The following PRR14L variants were observed in gnomAD, a reference collection of about 807,000 sequenced individuals.
The protein encoded by PRR14L is protein PRR14L.
In PRR14L, 80 loss-of-function variants were observed where a neutral mutation model predicts 155.0. That is an observed-to-expected ratio of 0.52 (90% CI 0.43 to 0.62). The LOEUF is 0.62. Among genes scored for constraint, PRR14L ranks in the 20% least tolerant of loss-of-function variants. The pLI is 0.00. For missense variants in PRR14L, 2,469 were observed against 2,548.0 expected, an observed-to-expected ratio of 0.97 and a Z score of 0.67; for synonymous variants, 883 against 916.0, an observed-to-expected ratio of 0.96 and a Z score of 0.65.
chr22:31,738,519 G>A lies in PRR14L; in HGVS notation c.342C>T (p.Ser114=), dbSNP rs757743243. The change falls in exon 2 of 9, where the codon AGC becomes AGT. Residue 114 remains serine (S), a synonymous_variant. Transcript: ENST00000327423. The stretch of plus-strand genomic sequence containing the variant: ...TGAAGACCTTTGGCTCCATGCTCTC[G>A]CTTCTCTTTGCCCTATCCAAGATCC... ...ASGILDRAKR[S]ESMEPKVFRD... is the part of the protein sequence containing the mutation. The A allele has an allele frequency of 1.0e-5, 16 of 1,551,760 alleles. No homozygotes were observed. The highest frequency in any genetic ancestry group is 1.3e-5 in the Non-Finnish European group (15 of 1,147,046).
At chr22:31,735,048 G>A (rs569782027) in intron 2 of PRR14L, among the ~76,000 whole-genome samples, 4 of 152,298 alleles carry the variant, frequency 2.6e-5, no homozygotes, top group African/African-American at 9.6e-5. Flanking sequence ...AGTACAAAAT[G>A]TTAACATTTA....
chr22:31,690,190 T>A (rs2074504249), intron 7 of PRR14L, among the ~76,000 whole-genome samples: 2 of 152,020 alleles, frequency 1.3e-5, no homozygotes, highest in Admixed American at 1.3e-4. Flanking sequence ...GTTCTGAGAT[T>A]ACAGGCATGA....
At chr22:31,728,262 T>C (rs1289995948) in intron 2 of PRR14L, among the ~76,000 whole-genome samples, 1 of 152,130 alleles carries the variant, frequency 6.6e-6, no homozygotes, top group Non-Finnish European at 1.5e-5. Flanking sequence ...AGATGCAATT[T>C]CCTTTTTCTA....
chr22:31,720,508 A>G (rs749421640), intron 3 of PRR14L, among the ~76,000 whole-genome samples: 9 of 152,108 alleles, frequency 5.9e-5, no homozygotes, highest in Non-Finnish European at 7.4e-5. Flanking sequence ...AGAGGTGGGC[A>G]CATCACTTGA....
intron 4 of PRR14L, among the ~76,000 whole-genome samples, chr22:31,707,784 C>T (rs952969744): frequency 1.3e-5 from 2 of 152,166 alleles, no homozygotes; most frequent in African/African-American, 4.8e-5. Context: ...AAGCAGTACA[C>T]CAGCATTTAA....
intron 7 of PRR14L, among the ~76,000 whole-genome samples, chr22:31,695,954 G>A (rs1489296494): frequency 1.3e-5 from 2 of 151,964 alleles, no homozygotes; most frequent in Non-Finnish European, 2.9e-5. Flanking sequence ...TGTGATTTCT[G>A]TCTCCTGATT....
chr22:31,714,254 T>A lies in PRR14L; in HGVS notation c.3585A>T (p.Glu1195Asp), dbSNP rs1274046758. The change falls in exon 4 of 9, where the codon GAA becomes GAT. Residue 1195 changes from glutamate to aspartate, a missense_variant. Glu to Asp is a conservative substitution (Grantham distance 45). Coordinates refer to ENST00000327423, the MANE Select transcript of PRR14L (RefSeq NM_173566.3). ...GTTCTAGTCTTGATCCTTCAGTCAT[T>A]TCTTGTGTTTCTCTGAGAGATGTTC... ...DKGTSLRETQ[E>D]MTEGSRLEPN... 1.4e-5 allele frequency: 22 copies of A among 1,551,312 alleles called. No individual in the cohort carries two copies. The highest frequency in any genetic ancestry group is 1.7e-5 in the Non-Finnish European group (20 of 1,146,940).
intron 3 of PRR14L, among the ~76,000 whole-genome samples, chr22:31,724,125 T>C (rs939850047): frequency 1.3e-5 from 2 of 152,216 alleles, no homozygotes; most frequent in African/African-American, 4.8e-5. Flanking sequence ...CCTGATGATC[T>C]GTCACTGTCG....
chr22:31,718,164 G>A (rs980338577), intron 3 of PRR14L, among the ~76,000 whole-genome samples: 1 of 151,996 alleles, frequency 6.6e-6, no homozygotes, highest in South Asian at 2.1e-4. Flanking sequence ...CTGACCTCAG[G>A]TGACCCGCCT....
intron 7 of PRR14L, 47 bp downstream of exon 7, chr22:31,701,609 A>G (rs1158217076): frequency 8.0e-7 from 1 of 1,249,990 alleles, no homozygotes; most frequent in Non-Finnish European, 1.2e-6. Context: ...TATGACAAAC[A>G]ATTTTCCAAA....
Position 31,713,313 on chromosome 22 carries a change from G to T in PRR14L, c.4526C>A (p.Ala1509Asp), listed in dbSNP as rs759532844. 3 of 1,552,288 alleles carry T rather than the reference G, an allele frequency of 1.9e-6. No individual in the cohort carries two copies. Among genetic ancestry groups the T allele is most frequent in the South Asian group, 2.4e-5 (2 of 84,064 alleles). Reference protein sequence around the residue: ...SSAGCDQIHGAFAKKGVLPLK... With the variant: ...SSAGCDQIHGDFAKKGVLPLK... ...GGGAAGAACTCCTTTCTTCGCAAAG[G>T]CACCATGTATTTGATCACACCCAGC... Residue 1509 changes from alanine to aspartate, a missense_variant, in exon 4 of 9, where the codon GCC becomes GAC. Physicochemically the swap from Ala to Asp is moderately radical, Grantham distance 126 (BLOSUM62 -2). This residue lies in a region of PRR14L where 2,363 missense variants were observed against 2,371.6 expected (regional missense o/e 1.00). Transcript: ENST00000327423.
chr22:31,698,367 C>T (rs562788886), intron 7 of PRR14L, among the ~76,000 whole-genome samples: 12 of 151,998 alleles, frequency 7.9e-5, no homozygotes, highest in African/African-American at 2.7e-4. Flanking sequence ...CCAAAAAGTA[C>T]GTGATAAACT....
chr22:31,732,336 T>A (rs1173883714), intron 2 of PRR14L, among the ~76,000 whole-genome samples: 1 of 152,186 alleles, frequency 6.6e-6, no homozygotes, highest in African/African-American at 2.4e-5. Context: ...ATCTGGGAAC[T>A]AGAGTTTGGG....
At chr22:31,722,773 C>T (rs2074697931) in intron 3 of PRR14L, among the ~76,000 whole-genome samples, 5 of 152,094 alleles carry the variant, frequency 3.3e-5, no homozygotes, top group Admixed American at 3.3e-4. Context: ...ACCTCGTGAT[C>T]TGCCTGCCTC....
At chr22:31,746,772 G>A (rs138252738) in intron 1 of PRR14L, among the ~76,000 whole-genome samples, 2 of 150,178 alleles carry the variant, frequency 1.3e-5, no homozygotes, top group African/African-American at 4.9e-5. Context: ...CTTTGCAAAC[G>A]CACAAATACT....
chr22:31,733,053 A>G (rs2074758734), intron 2 of PRR14L, among the ~76,000 whole-genome samples: 1 of 150,528 alleles, frequency 6.6e-6, no homozygotes, highest in Non-Finnish European at 1.5e-5. Flanking sequence ...CAATGGTGCA[A>G]TCTCGGCTCA....
chr22:31,749,027 CT>C (rs1180810134), intron 1 of PRR14L, among the ~76,000 whole-genome samples: 1 of 152,146 alleles, frequency 6.6e-6, no homozygotes, highest in Non-Finnish European at 1.5e-5. Context: ...ATATGCTTCT[CT>C]GTGCAAGATA....
intron 4 of PRR14L, among the ~76,000 whole-genome samples, chr22:31,708,127 C>A (rs1022977798): frequency 2.6e-5 from 4 of 151,432 alleles, no homozygotes; most frequent in African/African-American, 4.8e-5. Flanking sequence ...CCAGCCTGGG[C>A]AACAAGAGTG....
chr22:31,700,939 T>A (rs2074559845), intron 7 of PRR14L, among the ~76,000 whole-genome samples: 2 of 151,920 alleles, frequency 1.3e-5, no homozygotes, highest in Non-Finnish European at 2.9e-5. Context: ...TTCCATTTGC[T>A]GATAAGAAAT....
Sources: allele counts gnomAD v4.1 joint callset (sites outside exome capture counted in the v4.1 genomes callset), GRCh38; gene constraint gnomAD v4.1.1; regional missense constraint gnomAD v4.1.1; transcripts MANE v1.5; gene names NCBI Gene and HGNC (gene_info 2026-07-23, HGNC 2026-07-21).